SLC44A5: variants seen among roughly 807,000 people sequenced by gnomAD.
SLC44A5 encodes solute carrier family 44 member 5, also known as choline transporter-like protein 5.
A neutral mutation model predicts 101.8 loss-of-function variants in SLC44A5; 57 were observed. The ratio of observed to expected loss-of-function variants is 0.56; its 90% CI spans 0.45 to 0.70. The LOEUF is 0.70. SLC44A5 is among the 30% of genes least tolerant of loss of function. The probability of loss-of-function intolerance (pLI) is 0.00; values close to 1 mark genes in which losing one functional copy is unlikely to be tolerated. For missense variants in SLC44A5, 737 were observed against 853.1 expected (o/e 0.86, Z 1.70); for synonymous variants, 281 against 290.9 (o/e 0.97, Z 0.35).
chr1:75,309,354 G>A (rs1233592960), intron 4 of SLC44A5, among the ~76,000 whole-genome samples: 1 of 152,154 alleles, frequency 6.6e-6, no homozygotes, highest in Admixed American at 6.6e-5. Context: ...TTGAGCTCAC[G>A]AGTTCACTGT....
chr1:75,270,612 G>A (rs1340537035), intron 6 of SLC44A5, among the ~76,000 whole-genome samples: 1 of 152,000 alleles, frequency 6.6e-6, no homozygotes, highest in Non-Finnish European at 1.5e-5. Context: ...GGCGAGGAAG[G>A]CAATGATAAC....
chr1:75,702,726 T>C, the SLC44A5 span, among the ~76,000 whole-genome samples: 1 of 152,164 alleles, frequency 6.6e-6, no homozygotes, highest in African/African-American at 2.4e-5. Flanking sequence ...ACAGGCCACC[T>C]ACAGAATGGG....
chr1:75,399,295 T>C (rs1662327326), intron 2 of SLC44A5, among the ~76,000 whole-genome samples: 1 of 152,170 alleles, frequency 6.6e-6, no homozygotes, highest in African/African-American at 2.4e-5. Context: ...AGCTAGTATG[T>C]ATTCTGGCTG....
intron 2 of SLC44A5, among the ~76,000 whole-genome samples, chr1:75,429,017 TG>T (rs1434446636): frequency 1.3e-5 from 2 of 152,232 alleles, no homozygotes; most frequent in East Asian, 3.8e-4. Context: ...GTTTTAACAC[TG>T]GTTAAATATC....
chr1:75,408,816 C>T (rs538358788), intron 2 of SLC44A5, among the ~76,000 whole-genome samples: 2 of 152,066 alleles, frequency 1.3e-5, no homozygotes, highest in Non-Finnish European at 2.9e-5. Context: ...ATGTAACAAA[C>T]CTGCACGTTT....
chr1:75,250,391 C>T (rs1649467959), intron 7 of SLC44A5, among the ~76,000 whole-genome samples: 2 of 152,214 alleles, frequency 1.3e-5, no homozygotes, highest in South Asian at 4.1e-4. Flanking sequence ...TTTTCTTTAT[C>T]CAATCTATCA....
chr1:75,224,612 A>G (rs1231838410), intron 13 of SLC44A5, among the ~76,000 whole-genome samples: 1 of 152,046 alleles, frequency 6.6e-6, no homozygotes, highest in Non-Finnish European at 1.5e-5. Flanking sequence ...AATTTTTTAG[A>G]TAAAATAGAG....
chr1:75,275,272 C>T (rs531754156), intron 5 of SLC44A5, among the ~76,000 whole-genome samples: 1 of 152,062 alleles, frequency 6.6e-6, no homozygotes, highest in South Asian at 2.1e-4. Flanking sequence ...TGGGTTGTAG[C>T]CAAAACATGA....
At chr1:75,244,674 C>T (rs1011565399) in intron 7 of SLC44A5, among the ~76,000 whole-genome samples, 2 of 151,984 alleles carry the variant, frequency 1.3e-5, no homozygotes, top group Non-Finnish European at 2.9e-5. Flanking sequence ...CTTTGGGGGC[C>T]TATCAGTGCC....
At chr1:75,622,219 A>G in the SLC44A5 span, among the ~76,000 whole-genome samples, 1 of 152,106 alleles carries the variant, frequency 6.6e-6, no homozygotes. Flanking sequence ...GCAAATTCTG[A>G]GTTTCTTAGA....
At chr1:75,590,117 C>A (rs942520482) in intron 1 of SLC44A5, among the ~76,000 whole-genome samples, 10 of 151,976 alleles carry the variant, frequency 6.6e-5, no homozygotes, top group Non-Finnish European at 1.5e-5. Flanking sequence ...TGGCATCACC[C>A]TTCCCCTAAC....
chr1:75,542,678 T>C (rs920064943), intron 1 of SLC44A5, among the ~76,000 whole-genome samples: 1 of 152,136 alleles, frequency 6.6e-6, no homozygotes, highest in African/African-American at 2.4e-5. Flanking sequence ...CTTGTACTGA[T>C]TGGTGTCTGA....
intron 1 of SLC44A5, among the ~76,000 whole-genome samples, chr1:75,555,825 A>T (rs1210588518): frequency 1.3e-5 from 2 of 152,156 alleles, no homozygotes; most frequent in African/African-American, 4.8e-5. Context: ...CTCCATCGTT[A>T]GATGAAAAAC....
the SLC44A5 span, among the ~76,000 whole-genome samples, chr1:75,697,788 G>A: frequency 6.6e-6 from 1 of 152,164 alleles, no homozygotes; most frequent in Non-Finnish European, 1.5e-5. Context: ...CAGGTCAGTG[G>A]GTGCATGCAC....
intron 4 of SLC44A5, among the ~76,000 whole-genome samples, chr1:75,333,693 G>T (rs946665298): frequency 2.6e-5 from 4 of 152,150 alleles, no homozygotes; most frequent in Admixed American, 1.3e-4. Context: ...AGATAATAAA[G>T]AGATTAATGT....
At chr1:75,594,173 T>G (rs775063121) in intron 1 of SLC44A5, among the ~76,000 whole-genome samples, 5 of 151,976 alleles carry the variant, frequency 3.3e-5, no homozygotes, top group Non-Finnish European at 4.4e-5. Flanking sequence ...ATCTTTACAT[T>G]GAGACTATCT....
At chr1:75,378,221 A>G (rs1660748086) in intron 3 of SLC44A5, among the ~76,000 whole-genome samples, 1 of 78,888 alleles carries the variant, frequency 1.3e-5, no homozygotes, top group Admixed American at 1.3e-4. Context: ...AAGTAAAATT[A>G]AAAGTAAATA....
At chr1:75,354,802 G>C (rs756339669) in intron 3 of SLC44A5, among the ~76,000 whole-genome samples, 25 of 152,072 alleles carry the variant, frequency 1.6e-4, no homozygotes, top group South Asian at 1.0e-3. Context: ...CAGAATTTCT[G>C]AGGTATCTAT....
rs1206868686 is a variant in SLC44A5, at chr1:75,605,447, GCCT to G, written c.-70+5590_-70+5592del. Among the ~76,000 whole-genome samples the G allele has an allele frequency of 3.9e-5, 6 of 152,010 alleles. No individual in the cohort carries two copies. The East Asian group carries it at 1.2e-3, about 29-fold the overall frequency. On this transcript the variant is annotated intron_variant, in intron 1 of 23. Transcript: ENST00000370859. Reference sequence around the variant, plus strand: ...GCCCAAAAAAGCTACAAAAAAAGATGCCTGAGAGGCCACCCCTCCTTTCATATT... The same window carrying G: ...GCCCAAAAAAGCTACAAAAAAAGATGGAGAGGCCACCCCTCCTTTCATATT...
Sources: gnomAD v4.1 joint callset for allele counts (sites outside exome capture counted in the v4.1 genomes callset) on GRCh38, gnomAD v4.1.1 for gene constraint, MANE v1.5 for transcripts, NCBI Gene and HGNC (gene_info 2026-07-23, HGNC 2026-07-21) for gene names.